Variants in SPTBN1 observed in about 807,000 individuals in gnomAD.
SPTBN1 encodes the protein spectrin beta chain, non-erythrocytic 1.
Under a neutral mutation model 266.4 loss-of-function variants are expected in SPTBN1, and 32 were observed. That is an observed-to-expected ratio of 0.12 (90% confidence interval 0.09 to 0.16). SPTBN1 has a LOEUF of 0.16. SPTBN1 is among the 10% of genes least tolerant of loss of function. The pLI, the probability that SPTBN1 is intolerant of heterozygous loss-of-function variation, is 1.00. For missense variants in SPTBN1, 2,296 were observed against 3,067.1 expected (o/e 0.75, Z 5.94); for synonymous variants, 1,336 against 1,162.2 (o/e 1.15, Z -3.04).
intron 1 of SPTBN1, among the ~76,000 whole-genome samples, chr2:54,490,936 C>CA (rs1334683333): frequency 1.3e-5 from 2 of 152,074 alleles, no homozygotes; most frequent in Non-Finnish European, 2.9e-5. Context: ...TGAGGCCAGG[C>CA]AAAAACTCTT....
Position 54,669,209 on chromosome 2 carries a change from C to G in SPTBN1, c.*640C>G, listed in dbSNP as rs1198609325. ...TCAGTATACAAGAAGGAATAGAAAA[C>G]TGATACTGTTTTAAATAATCTGTAA... On this transcript the variant is annotated 3_prime_UTR_variant, in exon 36 of 36. Transcript: ENST00000356805. 3 of 150,558 alleles carry G rather than the reference C, an allele frequency of 2.0e-5. No individual in the cohort carries two copies. The East Asian group carries it at 5.9e-4, about 29-fold the overall frequency. 9.3% of individuals were successfully genotyped at this position (150,558 alleles called of 1,614,324 possible).
At chr2:54,601,526 A>G (rs1676497607) in intron 3 of SPTBN1, among the ~76,000 whole-genome samples, 1 of 152,176 alleles carries the variant, frequency 6.6e-6, no homozygotes, top group Non-Finnish European at 1.5e-5. Flanking sequence ...TCCAGAACTA[A>G]TGAGGTGGTT....
Position 54,670,443 on chromosome 2 carries a change from G to A in SPTBN1, c.*1874G>A, listed in dbSNP as rs546420410. The A allele has an allele frequency of 1.1e-5, 4 of 362,838 alleles. No individual in the cohort carries two copies. Among genetic ancestry groups the A allele is most frequent in the Admixed American group, 4.6e-5 (1 of 21,572 alleles). 22.5% of individuals were successfully genotyped at this position (362,838 alleles called of 1,614,324 possible). On this transcript the variant is annotated 3_prime_UTR_variant, in exon 36 of 36. Transcript: ENST00000356805. The stretch of plus-strand genomic sequence containing the variant: ...CATCAGCCCTGGGCTCCACAGCTGC[G>A]TGGCATCAAAGCTTTCTCTTAACTC...
rs192751557 is a variant in SPTBN1 at position 54,459,242 on chromosome 2, C to G, written c.-48+2724C>G. On this transcript the variant is annotated intron_variant, in intron 1 of 35. Coordinates refer to ENST00000356805, the MANE Select transcript of SPTBN1 (RefSeq NM_003128.3). ...GGAGAAGTATTGGGCAGTGAAGGAACTGCTGTCACTAGGTCGTCTCCCACA... is the reference window on the plus strand; with the variant it reads ...GGAGAAGTATTGGGCAGTGAAGGAAGTGCTGTCACTAGGTCGTCTCCCACA... Among the ~76,000 whole-genome samples, 19 of 152,342 alleles carry G rather than the reference C, an allele frequency of 1.2e-4. No individual in the cohort carries two copies. The East Asian group carries it at 1.5e-3, about 12-fold the overall frequency.
intron 18 of SPTBN1, among the ~76,000 whole-genome samples, chr2:54,639,523 A>G (rs893578842): frequency 2.6e-5 from 4 of 152,230 alleles, no homozygotes; most frequent in Admixed American, 2.0e-4. Context: ...GGAGTGAGCA[A>G]TGAGTGGCCA....
At position 54,558,010 on chromosome 2, in the gene SPTBN1, C is replaced by T. The variant is rs991533866; in HGVS notation, c.148+31444C>T. 4 of 985,300 alleles carry T rather than the reference C, an allele frequency of 4.1e-6. No individual in the cohort carries two copies. The African/African-American group carries it at 5.2e-5, about 13-fold the overall frequency. The allele number at this position is 985,300 out of a possible 1,614,324, so 61.0% of individuals were successfully genotyped here. ...AGAGAGTGAATGAGCCGCGCGGGCCCGGGACCCTTGGGGCTCTTCACTCTC... is the reference window on the plus strand; with the variant it reads ...AGAGAGTGAATGAGCCGCGCGGGCCTGGGACCCTTGGGGCTCTTCACTCTC... On this transcript the variant is annotated intron_variant, in intron 2 of 35. Coordinates refer to ENST00000356805, the MANE Select transcript of SPTBN1 (RefSeq NM_003128.3). This position sits in a 1 kb window ranked among gnomAD's most constrained non-coding sequence, Gnocchi z 4.6.
At chr2:54,471,213 G>T (rs1693901825) in intron 1 of SPTBN1, among the ~76,000 whole-genome samples, 2 of 152,180 alleles carry the variant, frequency 1.3e-5, no homozygotes, top group Admixed American at 1.3e-4. Context: ...GTGAGACCTG[G>T]TCTCTACGAA....
intron 2 of SPTBN1, among the ~76,000 whole-genome samples, chr2:54,553,367 CAGAA>C (rs1483200105): frequency 2.6e-5 from 4 of 152,106 alleles, no homozygotes; most frequent in Admixed American, 2.6e-4. Context: ...AGAGGTAAGA[CAGAA>C]AGAGAACTAG....
chr2:54,540,000 G>A (rs1467942491), intron 2 of SPTBN1, among the ~76,000 whole-genome samples: 1 of 152,172 alleles, frequency 6.6e-6, no homozygotes, highest in Non-Finnish European at 1.5e-5. Flanking sequence ...TGGGATTCAT[G>A]TCCGTATAAA....
At chr2:54,497,501 C>G (rs1393236933) in intron 1 of SPTBN1, among the ~76,000 whole-genome samples, 3 of 152,176 alleles carry the variant, frequency 2.0e-5, no homozygotes, top group African/African-American at 7.2e-5. Flanking sequence ...TTCTACCATA[C>G]TTTACCTATG....
At chr2:54,495,283 A>G (rs965938663) in intron 1 of SPTBN1, among the ~76,000 whole-genome samples, 1 of 152,096 alleles carries the variant, frequency 6.6e-6, no homozygotes, top group Non-Finnish European at 1.5e-5. Flanking sequence ...GACAAAATCA[A>G]CTCGGCTTTG....
intron 3 of SPTBN1, among the ~76,000 whole-genome samples, chr2:54,609,239 A>G (rs973739509): frequency 3.3e-5 from 5 of 152,212 alleles, no homozygotes; most frequent in South Asian, 2.1e-4. Flanking sequence ...ACTCATTTTC[A>G]TCAAGTCGTC....
intron 29 of SPTBN1, among the ~76,000 whole-genome samples, chr2:54,656,299 T>TC (rs1427707503): frequency 6.6e-6 from 1 of 152,182 alleles, no homozygotes; most frequent in Non-Finnish European, 1.5e-5. Flanking sequence ...CCATTTGTCT[T>TC]CAAGAATTCT....
chr2:54,632,071 G>C (rs1489801281), intron 16 of SPTBN1, among the ~76,000 whole-genome samples: 1 of 122,588 alleles, frequency 8.2e-6, no homozygotes, highest in Non-Finnish European at 1.6e-5. Flanking sequence ...GTGAGACCCT[G>C]TCTCTTAAAA....
Position 54,526,365 on chromosome 2 carries a change from C to T in SPTBN1, c.-47-7C>T. 1.9e-6 allele frequency: 3 copies of T among 1,598,082 alleles called. No individual in the cohort carries two copies. The highest frequency in any genetic ancestry group is 1.1e-5 in the South Asian group (1 of 89,102). ...CGTCTAAATGTTTTTCCTTTTCTTT[C>T]TCATAGAACTCTAAGAAGGAGCTGA... On this transcript the variant is annotated splice_polypyrimidine_tract_variant and splice_region_variant and intron_variant, in intron 1 of 35. Coordinates refer to ENST00000356805, the MANE Select transcript of SPTBN1 (RefSeq NM_003128.3).
intron 1 of SPTBN1, among the ~76,000 whole-genome samples, chr2:54,485,905 G>A (rs1157656046): frequency 1.2e-4 from 17 of 146,516 alleles, no homozygotes; most frequent in East Asian, 2.1e-4. Context: ...GGTGAGGAGC[G>A]TCTCTGCCCG....
rs878932030 is a variant in SPTBN1 at position 54,649,740 on chromosome 2, C to T, written c.5328C>T (p.Ile1776=). The change falls in exon 26 of 36, where the codon ATC becomes ATT. Residue 1776 remains isoleucine (I), a synonymous_variant. Coordinates refer to ENST00000356805, the MANE Select transcript of SPTBN1 (RefSeq NM_003128.3). The surrounding 1 kb of genome is among the most constrained non-coding windows in gnomAD (Gnocchi z 6.7). ...CTGGACATTCAGATGCCGCCACCAT[C>T]GCTGAATGGAAGGATGGCCTCAATG... is the stretch of plus-strand genomic sequence containing the variant. The part of the protein sequence containing the change: ...INSGHSDAAT[I]AEWKDGLNEA... 3.1e-6 allele frequency: 5 copies of T among 1,614,212 alleles called. No individual in the cohort carries two copies. Among genetic ancestry groups the T allele is most frequent in the African/African-American group, 2.7e-5 (2 of 75,046 alleles).
chr2:54,557,804 G>A (rs1672974692), intron 2 of SPTBN1: 1 of 985,368 alleles, frequency 1.0e-6, no homozygotes, highest in Non-Finnish European at 1.2e-6. Context: ...TAAGTCAGCC[G>A]AGATTCTTCA....
At position 54,628,861 on chromosome 2, in the gene SPTBN1, C is replaced by T. The variant is rs934109591; in HGVS notation, c.1799-72C>T. 13 of 1,508,084 alleles carry T rather than the reference C, an allele frequency of 8.6e-6. No homozygotes were observed. The African/African-American group carries it at 1.5e-4, about 18-fold the overall frequency. 93.4% of individuals were successfully genotyped at this position (1,508,084 alleles called of 1,614,324 possible). The stretch of plus-strand genomic sequence containing the variant: ...TCATAAGAATATGGGGTGTAGCTTA[C>T]TGCCTGCCAGTGAGCCTGCACCCAT... On this transcript the variant is annotated intron_variant, in intron 13 of 35. Transcript: ENST00000356805. The surrounding 1 kb of genome is among the most constrained non-coding windows in gnomAD (Gnocchi z 4.3).
Sources: allele counts gnomAD v4.1 joint callset (sites outside exome capture counted in the v4.1 genomes callset), GRCh38; gene constraint gnomAD v4.1.1; non-coding constraint Gnocchi (gnomAD v3.1); transcripts MANE v1.5; gene names NCBI Gene and HGNC (gene_info 2026-07-23, HGNC 2026-07-21).